The following RANBP9 variants were observed in gnomAD, a reference collection of about 807,000 sequenced individuals.
RANBP9 encodes the protein RAN binding protein 9.
RANBP9 carries 15 observed loss-of-function variants against 84.3 expected under a neutral mutation model. The observed-to-expected ratio is 0.18, with a 90% CI of 0.12 to 0.27. The LOEUF is 0.27. Ranked by LOEUF, RANBP9 falls within the 10% of genes least tolerant of loss-of-function variation. RANBP9 has a pLI of 1.00. For synonymous variants in RANBP9, 392 were observed against 349.6 expected (o/e 1.12, Z -1.35); for missense variants, 809 against 912.8 (o/e 0.89, Z 1.46).
chr6:13,710,013 G>A (rs903451645), intron 1 of RANBP9, among the ~76,000 whole-genome samples: 1 of 152,070 alleles, frequency 6.6e-6, no homozygotes, highest in Admixed American at 6.5e-5. Context: ...TTCCACACAA[G>A]TAAACTTGAT....
intron 5 of RANBP9, among the ~76,000 whole-genome samples, chr6:13,645,986 A>T (rs1765168334): frequency 6.6e-6 from 1 of 152,252 alleles, no homozygotes; most frequent in Non-Finnish European, 1.5e-5. Flanking sequence ...AAATGGTTAA[A>T]GCAAAGTATG....
At chr6:13,664,692 T>C (rs1765609713) in intron 2 of RANBP9, among the ~76,000 whole-genome samples, 1 of 152,122 alleles carries the variant, frequency 6.6e-6, no homozygotes, top group Non-Finnish European at 1.5e-5. Flanking sequence ...ACTGATTTGA[T>C]CTTTACAATT....
intron 2 of RANBP9, among the ~76,000 whole-genome samples, chr6:13,662,988 AG>A (rs1765568696): frequency 6.6e-6 from 1 of 152,098 alleles, no homozygotes; most frequent in African/African-American, 2.4e-5. Context: ...ACCAATCCCA[AG>A]GAAAAAGAGA....
chr6:13,674,705 T>A (rs1245444467), intron 2 of RANBP9, among the ~76,000 whole-genome samples: 2 of 152,166 alleles, frequency 1.3e-5, no homozygotes, highest in Non-Finnish European at 2.9e-5. Flanking sequence ...GACCAATCAT[T>A]ACCTCCTCCT....
At chr6:13,671,532 A>G (rs1003340468) in intron 2 of RANBP9, among the ~76,000 whole-genome samples, 1 of 152,198 alleles carries the variant, frequency 6.6e-6, no homozygotes, top group African/African-American at 2.4e-5. Context: ...TAAGATAAAG[A>G]AGTCAGAAAC....
chr6:13,711,093 G>A lies in RANBP9; in HGVS notation c.413C>T (p.Ser138Leu), dbSNP rs767519560. ...CTCCTTCTCCTGCTCGTTCAGGGCC[G>A]AGTCCCCGTGAGGGAAGGGGGCCGC... ...SAAAPFPHGD[S>L]ALNEQEKELQ... Residue 138 changes from serine to leucine, a missense_variant, in exon 1 of 14, where the codon TCG becomes TTG. Coordinates refer to ENST00000011619, the MANE Select transcript of RANBP9 (RefSeq NM_005493.3). 103 of 1,568,726 alleles carry A rather than the reference G, an allele frequency of 6.6e-5. No individual in the cohort carries two copies. In the South Asian group the frequency reaches 1.1e-3, roughly 16 times the overall value.
rs140110408 is a variant in RANBP9 at position 13,685,711 on chromosome 6, C to T, written c.683+11074G>A. On this transcript the variant is annotated intron_variant, in intron 2 of 13. Transcript: ENST00000011619. ...TTGGGAGGCCTAGGTGGGAGGATCA[C>T]GAGGTCAAGAGATCGAGACCATCCT... 3.3e-3 allele frequency among the ~76,000 whole-genome samples: 506 copies of T among 152,172 alleles called. 2 individuals carry two copies. Among genetic ancestry groups the T allele is most frequent in the African/African-American group, 0.012 (492 of 41,530 alleles).
At chr6:13,658,923 C>G in intron 2 of RANBP9, 91 bp from the exon 3 acceptor site, 2 of 1,299,878 alleles carry the variant, frequency 1.5e-6, no homozygotes, top group South Asian at 1.2e-5. Flanking sequence ...ATATCAGAAC[C>G]AAGCCCAAGT....
intron 2 of RANBP9, among the ~76,000 whole-genome samples, chr6:13,686,207 C>T (rs1001722104): frequency 1.4e-5 from 2 of 146,254 alleles, no homozygotes; most frequent in African/African-American, 2.5e-5. Flanking sequence ...TGGGCTCAAG[C>T]GATCTTCCTG....
At chr6:13,704,122 C>T (rs1758040211) in intron 1 of RANBP9, among the ~76,000 whole-genome samples, 1 of 152,182 alleles carries the variant, frequency 6.6e-6, no homozygotes, top group Non-Finnish European at 1.5e-5. Context: ...TTACCACTGA[C>T]CCAGCTGAGG....
chr6:13,706,955 G>A (rs971569470), intron 1 of RANBP9, among the ~76,000 whole-genome samples: 41 of 147,342 alleles, frequency 2.8e-4, no homozygotes, highest in African/African-American at 8.6e-4. Context: ...GCAATGAGTA[G>A]AGATTGTACC....
At chr6:13,638,842 T>C (rs919738566) in intron 9 of RANBP9, among the ~76,000 whole-genome samples, 1 of 151,348 alleles carries the variant, frequency 6.6e-6, no homozygotes, top group Admixed American at 6.6e-5. Flanking sequence ...AGAGGCTTGG[T>C]TGGGAAAGGT....
chr6:13,704,218 C>A (rs1266060243), intron 1 of RANBP9, among the ~76,000 whole-genome samples: 2 of 152,204 alleles, frequency 1.3e-5, no homozygotes, highest in African/African-American at 4.8e-5. Flanking sequence ...ATCTTCCAAT[C>A]AGCTGCGTAA....
intron 2 of RANBP9, among the ~76,000 whole-genome samples, chr6:13,684,337 A>C (rs1766116281): frequency 6.6e-6 from 1 of 152,156 alleles, no homozygotes. Flanking sequence ...CTCACTAAAA[A>C]CAGCAATATA....
At chr6:13,634,149 A>G (rs751984196) in intron 11 of RANBP9, among the ~76,000 whole-genome samples, 3 of 152,232 alleles carry the variant, frequency 2.0e-5, no homozygotes, top group Non-Finnish European at 4.4e-5. Context: ...AAAATAGCCT[A>G]GAGGCTCAAC....
At chr6:13,649,461 GAAAAA>G (rs375894187) in intron 5 of RANBP9, among the ~76,000 whole-genome samples, 2 of 92,704 alleles carry the variant, frequency 2.2e-5, no homozygotes, top group African/African-American at 3.9e-5. Context: ...TGCCACAACA[GAAAAA>G]AAAAAAAAAA....
chr6:13,681,181 G>T lies in RANBP9; in HGVS notation c.683+15604C>A, dbSNP rs759390437. ...ATTACAAAATAGCCATTTTCAAAAG[G>T]TTACATTTATATAACATTCTGGCTT... On this transcript the variant is annotated intron_variant, in intron 2 of 13. Coordinates refer to ENST00000011619, the MANE Select transcript of RANBP9 (RefSeq NM_005493.3). 5.3e-4 allele frequency among the ~76,000 whole-genome samples: 80 copies of T among 152,202 alleles called. 1 individual carries two copies. Among genetic ancestry groups the T allele is most frequent in the Non-Finnish European group, 1.1e-3 (72 of 67,998 alleles).
intron 1 of RANBP9, among the ~76,000 whole-genome samples, chr6:13,708,591 T>C (rs1182940664): frequency 6.6e-6 from 1 of 152,236 alleles, no homozygotes; most frequent in Non-Finnish European, 1.5e-5. Context: ...ATATGAATAG[T>C]AGTTTTTACT....
At chr6:13,642,941 T>C (rs1235170403) in intron 6 of RANBP9, among the ~76,000 whole-genome samples, 3 of 152,232 alleles carry the variant, frequency 2.0e-5, no homozygotes, top group Admixed American at 6.5e-5. Context: ...CCATAATTTC[T>C]ATTTTGACTT....
Sources: allele counts gnomAD v4.1 joint callset (sites outside exome capture counted in the v4.1 genomes callset), GRCh38; gene constraint gnomAD v4.1.1; transcripts MANE v1.5; gene names NCBI Gene and HGNC (gene_info 2026-07-23, HGNC 2026-07-21).